The following TGFB2 variants were observed in gnomAD, a reference collection of about 807,000 sequenced individuals.
The protein encoded by TGFB2 is transforming growth factor beta 2, also known as transforming growth factor beta-2 proprotein.
TGFB2 carries 13 observed loss-of-function variants against 42.7 expected under a neutral mutation model. That is an observed-to-expected ratio of 0.30 (90% CI 0.20 to 0.48). The LOEUF (loss-of-function observed/expected upper bound fraction) is 0.48, where lower values mean the gene tolerates loss of function less well. TGFB2 is among the 20% of genes least tolerant of loss of function. The pLI is 0.99. For missense variants in TGFB2, 390 were observed against 517.5 expected (o/e 0.75, Z 2.39); for synonymous variants, 193 against 193.6 (o/e 1.00, Z 0.03).
chr1:218,431,632 G>A (rs939655684), intron 2 of TGFB2, among the ~76,000 whole-genome samples: 2 of 152,202 alleles, frequency 1.3e-5, no homozygotes, highest in African/African-American at 4.8e-5. Flanking sequence ...ATAATACACT[G>A]TGCTAATTAG....
chr1:218,442,802 A>C lies in TGFB2; in HGVS notation c.*1440A>C, dbSNP rs1660199361. The stretch of plus-strand genomic sequence containing the variant: ...AGGAGGAATGTTATAGATACATAGA[A>C]AATTGAAGTAAAATGTTTTCATTTT... On this transcript the variant is annotated 3_prime_UTR_variant, in exon 7 of 7. Coordinates refer to ENST00000366930, the MANE Select transcript of TGFB2 (RefSeq NM_003238.6). 2 of 152,286 alleles carry C rather than the reference A, an allele frequency of 1.3e-5. No individual in the cohort carries two copies. The highest frequency in any genetic ancestry group is 4.1e-4 in the South Asian group (2 of 4,826). The allele number at this position is 152,286 out of a possible 1,614,324, so 9.4% of individuals were successfully genotyped here.
intron 1 of TGFB2, among the ~76,000 whole-genome samples, chr1:218,373,854 T>G (rs546059460): frequency 2.0e-5 from 3 of 152,332 alleles, no homozygotes; most frequent in Admixed American, 6.5e-5. Context: ...GTGTTTCTTT[T>G]TTTCTCTTAA....
chr1:218,372,973 T>G (rs1354058911), intron 1 of TGFB2, among the ~76,000 whole-genome samples: 1 of 152,084 alleles, frequency 6.6e-6, no homozygotes, highest in Non-Finnish European at 1.5e-5. Context: ...GGTCAGGAGT[T>G]CAAGACCAGC....
intron 2 of TGFB2, among the ~76,000 whole-genome samples, chr1:218,415,698 AG>A (rs71686493): frequency 0.13 from 13,714 of 108,954 alleles, 2,801 homozygotes; most frequent in African/African-American, 0.23. Flanking sequence ...CTGTCTCAAA[AG>A]AAAAAAAAAA....
At chr1:218,433,356 G>A (rs1452836950) in intron 2 of TGFB2, among the ~76,000 whole-genome samples, 1 of 152,114 alleles carries the variant, frequency 6.6e-6, no homozygotes. Context: ...GAGCCACCAC[G>A]CCCAGCCTGA....
chr1:218,422,284 C>A (rs1246200106), intron 2 of TGFB2, among the ~76,000 whole-genome samples: 1 of 151,742 alleles, frequency 6.6e-6, no homozygotes, highest in Non-Finnish European at 1.5e-5. Context: ...GTGGTACAAT[C>A]TTGGCTCGCT....
chr1:218,346,756 C>T lies in TGFB2; in HGVS notation c.55C>T (p.Leu19Phe), dbSNP rs1305579825. 7 of 1,614,142 alleles carry T rather than the reference C, an allele frequency of 4.3e-6. No individual in the cohort carries two copies. The highest frequency in any genetic ancestry group is 5.9e-6 in the Non-Finnish European group (7 of 1,180,036). The change falls in exon 1 of 7, where the codon CTC becomes TTC. Residue 19 changes from leucine to phenylalanine, a missense_variant. Transcript: ENST00000366930. The surrounding 1 kb of genome is among the most constrained non-coding windows in gnomAD (Gnocchi z 4.9). ...GATCCTGCATCTGGTCACGGTCGCGCTCAGCCTGTCTACCTGCAGCACACT... is the reference window on the plus strand; with the variant it reads ...GATCCTGCATCTGGTCACGGTCGCGTTCAGCCTGTCTACCTGCAGCACACT... ...FLILHLVTVALSLSTCSTLDM... is the reference protein window; with the variant it reads ...FLILHLVTVAFSLSTCSTLDM...
chr1:218,375,732 A>G (rs1479845102), intron 1 of TGFB2, among the ~76,000 whole-genome samples: 1 of 152,118 alleles, frequency 6.6e-6, no homozygotes, highest in Non-Finnish European at 1.5e-5. Context: ...CTGTGAGAGG[A>G]AGATAATATT....
At chr1:218,368,908 C>T (rs968852904) in intron 1 of TGFB2, among the ~76,000 whole-genome samples, 3 of 152,148 alleles carry the variant, frequency 2.0e-5, no homozygotes, top group Non-Finnish European at 4.4e-5. Context: ...GGCTTTTCCT[C>T]TGACTAAAAC....
chr1:218,374,223 T>C (rs1657665203), intron 1 of TGFB2, among the ~76,000 whole-genome samples: 1 of 152,242 alleles, frequency 6.6e-6, no homozygotes, highest in Non-Finnish European at 1.5e-5. Context: ...AATTCTCTAA[T>C]GCCTGTTAAA....
At chr1:218,405,876 A>C (rs1025796048) in intron 2 of TGFB2, among the ~76,000 whole-genome samples, 2 of 152,132 alleles carry the variant, frequency 1.3e-5, no homozygotes, top group African/African-American at 4.8e-5. Context: ...AGCTCTGAGC[A>C]CACTTCCTCA....
intron 1 of TGFB2, among the ~76,000 whole-genome samples, chr1:218,396,113 G>C (rs1389413867): frequency 6.6e-6 from 1 of 152,172 alleles, no homozygotes; most frequent in East Asian, 1.9e-4. Context: ...TGAGTAACCA[G>C]AAGGGAAGCC....
intron 5 of TGFB2, 43 bp from the exon 6 acceptor site, chr1:218,437,300 C>G (rs1469485869): frequency 6.6e-7 from 1 of 1,521,330 alleles, no homozygotes; most frequent in East Asian, 2.3e-5. Flanking sequence ...GGTGGTGAAT[C>G]AGCTTTAAAA....
chr1:218,345,920 C>A lies in TGFB2; in HGVS notation c.-782C>A, dbSNP rs1043342501. Among the ~76,000 whole-genome samples, 1 of 151,924 alleles carries A rather than the reference C, an allele frequency of 6.6e-6. No individual in the cohort carries two copies. The highest frequency in any genetic ancestry group is 2.4e-5 in the African/African-American group (1 of 41,358). ...GCCCGCCAGGGTGTAGGCCACGGAG[C>A]GCAGCTCCCAGAGCAGGATCCGCGC... On this transcript the variant is annotated 5_prime_UTR_variant, in exon 1 of 7. Coordinates refer to ENST00000366930, the MANE Select transcript of TGFB2 (RefSeq NM_003238.6).
chr1:218,372,514 G>A (rs957996566), intron 1 of TGFB2, among the ~76,000 whole-genome samples: 2 of 152,168 alleles, frequency 1.3e-5, no homozygotes, highest in African/African-American at 4.8e-5. Context: ...AACTCCCTAT[G>A]GAACTGTGGC....
At chr1:218,348,170 G>C (rs1434937175) in intron 1 of TGFB2, among the ~76,000 whole-genome samples, 2 of 152,006 alleles carry the variant, frequency 1.3e-5, no homozygotes, top group African/African-American at 2.4e-5. Flanking sequence ...AAGTGGGGGC[G>C]GGGTGGGGGG....
chr1:218,386,492 A>AT (rs1403638318), intron 1 of TGFB2, among the ~76,000 whole-genome samples: 1 of 152,198 alleles, frequency 6.6e-6, no homozygotes, highest in African/African-American at 2.4e-5. Flanking sequence ...TTATCAAGTA[A>AT]TCTAATGGGC....
intron 1 of TGFB2, among the ~76,000 whole-genome samples, chr1:218,381,397 AG>A (rs1374979780): frequency 6.6e-6 from 1 of 151,796 alleles, no homozygotes; most frequent in Non-Finnish European, 1.5e-5. Context: ...GTGGGACTAC[AG>A]GCAACCGCCA....
chr1:218,414,082 A>C (rs890155101), intron 2 of TGFB2, among the ~76,000 whole-genome samples: 1 of 152,190 alleles, frequency 6.6e-6, no homozygotes, highest in Non-Finnish European at 1.5e-5. Flanking sequence ...TTTCATAGTG[A>C]AAGTTCAGGG....
Sources: gnomAD v4.1 joint callset for allele counts (sites outside exome capture counted in the v4.1 genomes callset) on GRCh38, gnomAD v4.1.1 for gene constraint, Gnocchi (gnomAD v3.1) non-coding constraint, MANE v1.5 for transcripts, NCBI Gene and HGNC (gene_info 2026-07-23, HGNC 2026-07-21) for gene names.